The following BCAT1 variants were observed in gnomAD, a reference collection of about 807,000 sequenced individuals.
BCAT1 encodes branched chain amino acid transaminase 1.
Under a neutral mutation model 52.4 loss-of-function variants are expected in BCAT1, and 48 were observed. That is an observed-to-expected ratio of 0.92 (90% CI 0.73 to 1.16). BCAT1 has a LOEUF of 1.16. Among genes scored for constraint, BCAT1 ranks in the 50% most tolerant of loss-of-function variants. The probability of loss-of-function intolerance (pLI) is 0.00; values close to 1 mark genes in which losing one functional copy is unlikely to be tolerated. For synonymous variants in BCAT1, 167 were observed against 161.3 expected (o/e 1.04, Z -0.27); for missense variants, 451 against 457.1 (o/e 0.99, Z 0.12).
chr12:24,845,951 G>A (rs916159790), intron 6 of BCAT1, among the ~76,000 whole-genome samples: 1 of 152,128 alleles, frequency 6.6e-6, no homozygotes, highest in African/African-American at 2.4e-5. Flanking sequence ...ACACAACTAC[G>A]AAGTAGTGAA....
At chr12:24,821,910 G>C (rs1157417985) in intron 10 of BCAT1, among the ~76,000 whole-genome samples, 1 of 152,178 alleles carries the variant, frequency 6.6e-6, no homozygotes. Context: ...AACGAGATGA[G>C]TCATAAAGGA....
In BCAT1 at chr12:24,849,929, C is replaced by T. The variant is rs1941457283; in HGVS notation, c.531G>A (p.Lys177=). 18 of 1,610,044 alleles carry T rather than the reference C, an allele frequency of 1.1e-5. No individual in the cohort carries two copies. The highest frequency in any genetic ancestry group is 1.5e-5 in the Non-Finnish European group (18 of 1,177,534). The change falls in exon 6 of 11, where the codon AAG becomes AAA. Residue 177 remains lysine (K), a synonymous_variant. Coordinates refer to ENST00000261192, the MANE Select transcript of BCAT1 (RefSeq NM_005504.7). ...GTACAAAGAGCAGGGCTTTGGTAGGCTTCTTGACTCCAAGAGAAGGCTGCA... is the reference window on the plus strand; with the variant it reads ...GTACAAAGAGCAGGGCTTTGGTAGGTTTCTTGACTCCAAGAGAAGGCTGCA... The part of the protein sequence containing the change: ...IGTEPSLGVK[K]PTKALLFVLL...
intron 5 of BCAT1, among the ~76,000 whole-genome samples, chr12:24,876,124 G>T (rs536975326): frequency 7.2e-5 from 11 of 151,892 alleles, no homozygotes; most frequent in Admixed American, 3.9e-4. Flanking sequence ...AGAATGGTAT[G>T]TGTACTCAAA....
At chr12:24,843,433 T>C (rs1376122003) in intron 6 of BCAT1, among the ~76,000 whole-genome samples, 1 of 152,022 alleles carries the variant, frequency 6.6e-6, no homozygotes, top group East Asian at 1.9e-4. Flanking sequence ...TGAAACCATG[T>C]CTCTACTGAA....
intron 2 of BCAT1, among the ~76,000 whole-genome samples, chr12:24,895,739 A>G (rs1942946085): frequency 1.3e-5 from 2 of 152,166 alleles, no homozygotes; most frequent in Non-Finnish European, 2.9e-5. Context: ...AGCTCTTATC[A>G]TTATTTTTAA....
In BCAT1 at chr12:24,836,540, G is replaced by T. The variant is rs200381468; in HGVS notation, c.874C>A (p.Arg292=). 1.6e-4 allele frequency: 255 copies of T among 1,613,080 alleles called. No individual in the cohort carries two copies. The South Asian group carries it at 2.7e-3, about 17-fold the overall frequency. Residue 292 remains arginine, a synonymous_variant, in exon 8 of 11, where the codon CGG becomes AGG. Coordinates refer to ENST00000261192, the MANE Select transcript of BCAT1 (RefSeq NM_005504.7). ...TGATGTGCCAGGTCCAGAATGCACCGCCTTGTCACTCCTGGAAGAATGATG... is the reference window on the plus strand; with the variant it reads ...TGATGTGCCAGGTCCAGAATGCACCTCCTTGTCACTCCTGGAAGAATGATG... ...DGIILPGVTR[R]CILDLAHQWG...
At chr12:24,871,673 A>C (rs1037972824) in intron 5 of BCAT1, among the ~76,000 whole-genome samples, 1 of 152,222 alleles carries the variant, frequency 6.6e-6, no homozygotes, top group Admixed American at 6.5e-5. Context: ...TGGAAGTACC[A>C]TGAATCAGGA....
chr12:24,834,859 T>G, intron 8 of BCAT1: 1 of 990,292 alleles, frequency 1.0e-6, no homozygotes, highest in Non-Finnish European at 1.2e-6. Context: ...GAATTGTTTT[T>G]GCTCTGCTCA....
intron 2 of BCAT1, among the ~76,000 whole-genome samples, chr12:24,898,494 CTG>C (rs1217906777): frequency 3.1e-5 from 4 of 130,986 alleles, no homozygotes; most frequent in African/African-American, 1.2e-4. Context: ...CACCTGAAAA[CTG>C]TTTCAGCCAG....
intron 5 of BCAT1, among the ~76,000 whole-genome samples, chr12:24,861,080 G>A (rs774198786): frequency 4.1e-4 from 63 of 152,304 alleles, no homozygotes; most frequent in Admixed American, 9.1e-4. Flanking sequence ...GGAGACTGGA[G>A]AGAGAAAAAT....
At chr12:24,884,368 G>C (rs1351515763) in intron 3 of BCAT1, among the ~76,000 whole-genome samples, 1 of 152,156 alleles carries the variant, frequency 6.6e-6, no homozygotes, top group Non-Finnish European at 1.5e-5. Flanking sequence ...GAAGATGTTG[G>C]TCAAAGGGAA....
intron 1 of BCAT1, among the ~76,000 whole-genome samples, chr12:24,934,800 G>C (rs5012437): frequency 0.55 from 83,434 of 151,966 alleles, 23,125 homozygotes; most frequent in South Asian, 0.7. Context: ...TGATCCACCT[G>C]TTTCAGCCTC....
Position 24,849,835 on chromosome 12 carries a change from T to C in BCAT1, c.625A>G (p.Lys209Glu), listed in dbSNP as rs1370436354. Residue 209 changes from lysine (K) to glutamate (E), a missense_variant, in exon 6 of 11, where the codon AAG becomes GAG. Coordinates refer to ENST00000261192, the MANE Select transcript of BCAT1 (RefSeq NM_005504.7). ...CCACCTTTCCAGGCTCTTACATACTTGGGATTGGCCCACAGGGACACTGGA... is the reference window on the plus strand; with the variant it reads ...CCACCTTTCCAGGCTCTTACATACTCGGGATTGGCCCACAGGGACACTGGA... ...FNPVSLWANP[K>E]YVRAWKGGTG... 6.2e-7 allele frequency: 1 copy of C among 1,613,604 alleles called. No homozygotes were observed. Among genetic ancestry groups the C allele is most frequent in the East Asian group, 2.2e-5 (1 of 44,888 alleles).
intron 3 of BCAT1, among the ~76,000 whole-genome samples, chr12:24,893,655 A>G (rs1439060951): frequency 6.6e-6 from 1 of 152,174 alleles, no homozygotes; most frequent in Non-Finnish European, 1.5e-5. Context: ...TATTTCCAGC[A>G]CCCCTATTAT....
chr12:24,947,871 C>T (rs1366006953), intron 1 of BCAT1, among the ~76,000 whole-genome samples: 2 of 152,232 alleles, frequency 1.3e-5, no homozygotes. Context: ...GAACCTCTAA[C>T]TATAGAAGAA....
chr12:24,851,088 A>G (rs1274996932), intron 5 of BCAT1, among the ~76,000 whole-genome samples: 1 of 152,162 alleles, frequency 6.6e-6, no homozygotes, highest in Non-Finnish European at 1.5e-5. Context: ...GAGAGACCCA[A>G]CGTTTTGAAG....
intron 1 of BCAT1, among the ~76,000 whole-genome samples, chr12:24,905,744 C>T (rs976356301): frequency 2.6e-5 from 4 of 151,864 alleles, no homozygotes; most frequent in Admixed American, 2.6e-4. Context: ...TTAGCTTAAC[C>T]TAGGGGCAAG....
intron 3 of BCAT1, among the ~76,000 whole-genome samples, chr12:24,889,926 CA>C (rs912366844): frequency 2.6e-5 from 4 of 152,136 alleles, no homozygotes; most frequent in Admixed American, 2.6e-4. Context: ...CATAAAAACC[CA>C]AAAGAATGAG....
chr12:24,898,483 G>C (rs1318608556), intron 2 of BCAT1, among the ~76,000 whole-genome samples: 14 of 134,234 alleles, frequency 1.0e-4, no homozygotes, highest in African/African-American at 8.3e-5. Flanking sequence ...TTTGTTGAAA[G>C]CACCTGAAAA....
Sources: gnomAD v4.1 joint callset for allele counts (sites outside exome capture counted in the v4.1 genomes callset) on GRCh38, gnomAD v4.1.1 for gene constraint, MANE v1.5 for transcripts, NCBI Gene and HGNC (gene_info 2026-07-23, HGNC 2026-07-21) for gene names.